Variants in CSGALNACT1 observed in about 807,000 individuals in gnomAD.
CSGALNACT1 encodes beta4GalNAcT-1.
A neutral mutation model predicts 51.0 loss-of-function variants in CSGALNACT1; 52 were observed. That is an observed-to-expected ratio of 1.02 (90% CI 0.82 to 1.29). CSGALNACT1 has a LOEUF of 1.29. Among genes scored for constraint, CSGALNACT1 ranks in the 50% most tolerant of loss-of-function variants. The pLI is 0.00. For missense variants in CSGALNACT1, 935 were observed against 679.2 expected (o/e 1.38, Z -4.19); for synonymous variants, 341 against 254.4 (o/e 1.34, Z -3.24).
intron 4 of CSGALNACT1, among the ~76,000 whole-genome samples, chr8:19,477,694 G>A (rs1327108272): frequency 1.3e-5 from 2 of 152,186 alleles, no homozygotes; most frequent in Admixed American, 6.5e-5. Context: ...TTTGGGCAAG[G>A]TGCTTAACCT....
At chr8:19,631,545 C>G (rs2055258165) in intron 1 of CSGALNACT1, among the ~76,000 whole-genome samples, 1 of 152,142 alleles carries the variant, frequency 6.6e-6, no homozygotes, top group South Asian at 2.1e-4. Context: ...TTGGAGGGCT[C>G]CAGTGAGAAC....
chr8:19,416,244 A>G (rs893454485), intron 8 of CSGALNACT1, among the ~76,000 whole-genome samples: 2 of 149,950 alleles, frequency 1.3e-5, no homozygotes, highest in Non-Finnish European at 2.9e-5. Flanking sequence ...CCTGTGGAGT[A>G]GTTGGGATTA....
intron 1 of CSGALNACT1, chr8:19,641,744 G>A (rs1039495778): frequency 2.6e-5 from 4 of 152,158 alleles, no homozygotes; most frequent in Non-Finnish European, 4.4e-5. Context: ...ATGTACAGAA[G>A]AGGCAGAAAG....
At chr8:19,656,599 C>T (rs114176322) in intron 1 of CSGALNACT1, among the ~76,000 whole-genome samples, 7 of 107,672 alleles carry the variant, frequency 6.5e-5, no homozygotes, top group East Asian at 5.0e-4. Context: ...ACGCCCCCCC[C>T]CCACACACAC....
At chr8:19,560,745 T>C (rs942385595) in intron 3 of CSGALNACT1, among the ~76,000 whole-genome samples, 1 of 152,200 alleles carries the variant, frequency 6.6e-6, no homozygotes, top group African/African-American at 2.4e-5. Context: ...GTAACACCAC[T>C]TGGAACACAG....
At chr8:19,408,775 G>A (rs769991609) in intron 8 of CSGALNACT1, 81 bp from the exon 8 acceptor site, 20 of 1,180,142 alleles carry the variant, frequency 1.7e-5, no homozygotes, top group Non-Finnish European at 2.3e-5. Flanking sequence ...GTGAGCCACC[G>A]TGGAGTGTGG....
chr8:19,562,150 C>A (rs893851057), intron 3 of CSGALNACT1, among the ~76,000 whole-genome samples: 1 of 152,176 alleles, frequency 6.6e-6, no homozygotes, highest in Non-Finnish European at 1.5e-5. Flanking sequence ...CCCCCACAGC[C>A]AAACCAGAGG....
At chr8:19,468,223 C>G (rs890395678) in intron 4 of CSGALNACT1, among the ~76,000 whole-genome samples, 2 of 152,020 alleles carry the variant, frequency 1.3e-5, no homozygotes, top group African/African-American at 2.4e-5. Flanking sequence ...GCCAAGACAA[C>G]AACATCAGAG....
chr8:19,571,118 G>A (rs993842411), intron 3 of CSGALNACT1, among the ~76,000 whole-genome samples: 1 of 152,094 alleles, frequency 6.6e-6, no homozygotes, highest in Non-Finnish European at 1.5e-5. Flanking sequence ...CCAAAGAAGT[G>A]TGTCACCACA....
At chr8:19,468,069 G>T (rs368649213) in intron 4 of CSGALNACT1, among the ~76,000 whole-genome samples, 18 of 152,304 alleles carry the variant, frequency 1.2e-4, no homozygotes, top group African/African-American at 4.3e-4. Context: ...CAGGTAAACA[G>T]AACAGGACTC....
chr8:19,607,018 G>A (rs180672278), upstream of CSGALNACT1, among the ~76,000 whole-genome samples: 3 of 152,198 alleles, frequency 2.0e-5, no homozygotes, highest in East Asian at 5.8e-4. Flanking sequence ...AGCCGGGCAT[G>A]GTGGCAGGCG....
intron 1 of CSGALNACT1, among the ~76,000 whole-genome samples, chr8:19,735,676 A>G (rs2063931035): frequency 6.6e-6 from 1 of 152,212 alleles, no homozygotes; most frequent in Admixed American, 6.5e-5. Context: ...TTATGTATTG[A>G]AAGACAGAAG....
intron 1 of CSGALNACT1, among the ~76,000 whole-genome samples, chr8:19,721,385 A>G (rs897828135): frequency 2.0e-5 from 3 of 152,214 alleles, no homozygotes; most frequent in Non-Finnish European, 4.4e-5. Context: ...GCACTCTGAA[A>G]TCTGCAACTT....
chr8:19,571,184 G>A (rs2042946792), intron 3 of CSGALNACT1, among the ~76,000 whole-genome samples: 1 of 152,050 alleles, frequency 6.6e-6, no homozygotes, highest in African/African-American at 2.4e-5. Flanking sequence ...TGCCCAGGCT[G>A]GTCTCAAACT....
chr8:19,575,220 T>C (rs910909334), intron 3 of CSGALNACT1, among the ~76,000 whole-genome samples: 3 of 152,218 alleles, frequency 2.0e-5, no homozygotes, highest in Admixed American at 1.3e-4. Flanking sequence ...AGGCTGAACA[T>C]TGTGGTTTTA....
chr8:19,451,457 A>C (rs967248283), intron 5 of CSGALNACT1, among the ~76,000 whole-genome samples: 6 of 152,244 alleles, frequency 3.9e-5, no homozygotes, highest in African/African-American at 1.4e-4. Flanking sequence ...GACTATAATG[A>C]GAAGAAATAA....
At chr8:19,464,805 C>T (rs553432955) in intron 4 of CSGALNACT1, among the ~76,000 whole-genome samples, 14 of 152,250 alleles carry the variant, frequency 9.2e-5, no homozygotes, top group African/African-American at 2.4e-4. Context: ...TTGTCTTCCA[C>T]AAAACTGGTG....
intron 3 of CSGALNACT1, among the ~76,000 whole-genome samples, chr8:19,587,281 C>T (rs377725265): frequency 6.6e-6 from 1 of 152,146 alleles, no homozygotes; most frequent in South Asian, 2.1e-4. Context: ...AGCTCCAAAT[C>T]AAAGGTTCAG....
intron 1 of CSGALNACT1, among the ~76,000 whole-genome samples, chr8:19,737,641 G>A (rs2064065908): frequency 6.6e-6 from 1 of 151,622 alleles, no homozygotes. Context: ...AAAAGAAGGA[G>A]AGAAAATGAA....
Sources: gnomAD v4.1 joint callset for allele counts (sites outside exome capture counted in the v4.1 genomes callset) on GRCh38, gnomAD v4.1.1 for gene constraint, MANE v1.5 for transcripts, NCBI Gene and HGNC (gene_info 2026-07-23, HGNC 2026-07-21) for gene names.